Variants in ANAPC10 observed in about 807,000 individuals in gnomAD.
The protein encoded by ANAPC10 is anaphase promoting complex subunit 10.
Under a neutral mutation model 22.0 loss-of-function variants are expected in ANAPC10, and 12 were observed. The observed-to-expected ratio is 0.55, with a 90% CI of 0.35 to 0.88. The LOEUF (loss-of-function observed/expected upper bound fraction) is 0.88. Among genes scored for constraint, ANAPC10 ranks in the 40% least tolerant of loss-of-function variants. The pLI, the probability that ANAPC10 is intolerant of heterozygous loss-of-function variation, is 0.01. For synonymous variants in ANAPC10, 65 were observed against 69.5 expected (o/e 0.94, Z 0.32); for missense variants, 188 against 220.9 (o/e 0.85, Z 0.94).
intron 4 of ANAPC10, among the ~76,000 whole-genome samples, chr4:145,017,775 A>G (rs1289992405): frequency 6.6e-6 from 1 of 152,120 alleles, no homozygotes; most frequent in Non-Finnish European, 1.5e-5. Flanking sequence ...ACACCATGGA[A>G]TACTATGCAC....
chr4:145,007,069 C>T (rs915770330), intron 4 of ANAPC10, among the ~76,000 whole-genome samples: 3 of 152,142 alleles, frequency 2.0e-5, no homozygotes, highest in African/African-American at 7.2e-5. Context: ...AGAACAGCTC[C>T]AGTGCACAGG....
At chr4:145,023,380 C>T (rs938050896) in intron 4 of ANAPC10, among the ~76,000 whole-genome samples, 3 of 152,178 alleles carry the variant, frequency 2.0e-5, no homozygotes. Context: ...TTGGTCTCTG[C>T]TTACCTCCTC....
At chr4:145,069,135 C>T (rs1682692731) in intron 3 of ANAPC10, among the ~76,000 whole-genome samples, 1 of 152,144 alleles carries the variant, frequency 6.6e-6, no homozygotes, top group Admixed American at 6.6e-5. Context: ...CTACAGACAA[C>T]TAGAATACTG....
At chr4:145,097,503 T>G in intron 1 of ANAPC10, 1 of 1,287,252 alleles carries the variant, frequency 7.8e-7, no homozygotes, top group South Asian at 1.2e-5. Context: ...ACCGTTTCCT[T>G]GACACCTCCC....
chr4:145,011,235 G>C (rs1049695047), intron 4 of ANAPC10, among the ~76,000 whole-genome samples: 4 of 151,884 alleles, frequency 2.6e-5, no homozygotes, highest in Non-Finnish European at 5.9e-5. Flanking sequence ...TACTCAGGAG[G>C]CTGAGGCAGG....
intron 4 of ANAPC10, among the ~76,000 whole-genome samples, chr4:145,049,397 G>C (rs1560875378): frequency 6.6e-6 from 1 of 152,148 alleles, no homozygotes; most frequent in Non-Finnish European, 1.5e-5. Flanking sequence ...TAAAATTGGA[G>C]TCAGTCTTCT....
At chr4:145,047,535 C>T (rs1740494276) in intron 4 of ANAPC10, among the ~76,000 whole-genome samples, 1 of 152,114 alleles carries the variant, frequency 6.6e-6, no homozygotes, top group African/African-American at 2.4e-5. Flanking sequence ...AATTCCATAT[C>T]TGCCTTAGAC....
At position 144,995,314 on chromosome 4, in the gene ANAPC10, A is replaced by G. The variant is rs1731450080; in HGVS notation, c.*59T>C. 2 of 1,085,702 alleles carry G rather than the reference A, an allele frequency of 1.8e-6. No individual in the cohort carries two copies. Among genetic ancestry groups the G allele is most frequent in the Admixed American group, 2.1e-5 (1 of 47,150 alleles). The allele number at this position is 1,085,702 out of a possible 1,614,324, so 67.3% of individuals were successfully genotyped here. On this transcript the variant is annotated 3_prime_UTR_variant, in exon 5 of 5. Coordinates refer to ENST00000507656, the MANE Select transcript of ANAPC10 (RefSeq NM_001256706.2). Reference sequence around the variant, plus strand: ...CTTGTTCAATAAAGGTACATGATATATTATTTAAATACAGGATAAAACAAA... The same window carrying G: ...CTTGTTCAATAAAGGTACATGATATGTTATTTAAATACAGGATAAAACAAA...
chr4:145,000,221 G>C (rs1732310300), intron 4 of ANAPC10, among the ~76,000 whole-genome samples: 1 of 152,134 alleles, frequency 6.6e-6, no homozygotes, highest in African/African-American at 2.4e-5. Context: ...TTAAACTAAA[G>C]AGCTTCTGCA....
chr4:145,068,218 T>C (rs1268734453), intron 3 of ANAPC10, among the ~76,000 whole-genome samples: 2 of 152,184 alleles, frequency 1.3e-5, no homozygotes, highest in Non-Finnish European at 2.9e-5. Context: ...TACTATATGT[T>C]CTGATTTCTA....
chr4:145,064,998 GGATTTCC>G (rs1743467724), intron 3 of ANAPC10, among the ~76,000 whole-genome samples: 1 of 151,826 alleles, frequency 6.6e-6, no homozygotes, highest in Non-Finnish European at 1.5e-5. Flanking sequence ...CAAGCATTAA[GGATTTCC>G]ATCCTCTTCA....
At chr4:145,089,326 A>C (rs1747335153) in intron 2 of ANAPC10, among the ~76,000 whole-genome samples, 1 of 152,192 alleles carries the variant, frequency 6.6e-6, no homozygotes, top group African/African-American at 2.4e-5. Context: ...AACAGGGAAC[A>C]AATAGCATAT....
chr4:145,072,358 C>G (rs977367852), intron 3 of ANAPC10, among the ~76,000 whole-genome samples: 1 of 152,082 alleles, frequency 6.6e-6, no homozygotes, highest in Non-Finnish European at 1.5e-5. Context: ...GTAATACATA[C>G]AAATTATTTC....
intron 4 of ANAPC10, among the ~76,000 whole-genome samples, chr4:145,005,689 C>A (rs148351709): frequency 3.9e-5 from 6 of 152,098 alleles, no homozygotes; most frequent in African/African-American, 1.4e-4. Context: ...CAAATAATTT[C>A]TTGATTTCTG....
At position 145,070,228 on chromosome 4, in the gene ANAPC10, C is replaced by T. The variant is rs1744294535; in HGVS notation, c.207-5536G>A. On this transcript the variant is annotated intron_variant, in intron 3 of 4. Coordinates refer to ENST00000507656, the MANE Select transcript of ANAPC10 (RefSeq NM_001256706.2). ...AAAATTTTATTGAAACTAAGTGACA[C>T]TCCGTCATATACACATTGTCTATGG... is the stretch of plus-strand genomic sequence containing the variant. Among the ~76,000 whole-genome samples, 3 of 152,296 alleles carry T rather than the reference C, an allele frequency of 2.0e-5. No individual in the cohort carries two copies. In the South Asian group the frequency reaches 6.2e-4, roughly 32 times the overall value.
At chr4:145,076,127 G>A (rs556816805) in intron 3 of ANAPC10, among the ~76,000 whole-genome samples, 1 of 152,354 alleles carries the variant, frequency 6.6e-6, no homozygotes, top group African/African-American at 2.4e-5. Flanking sequence ...AGCTTTAGCA[G>A]ATGGGCTGCT....
chr4:145,009,014 T>C lies in ANAPC10; in HGVS notation c.328-13411A>G, dbSNP rs537253858. 3.9e-5 allele frequency among the ~76,000 whole-genome samples: 6 copies of C among 152,110 alleles called. No individual in the cohort carries two copies. In the South Asian group the frequency reaches 6.2e-4, roughly 16 times the overall value. ...AGTCTCAGGATACAAAATCAATGTG[T>C]AAAAATCACAAGTATTCCTATACAC... On this transcript the variant is annotated intron_variant, in intron 4 of 4. Transcript: ENST00000507656.
chr4:145,045,832 A>G (rs1579021763), intron 4 of ANAPC10, among the ~76,000 whole-genome samples: 1 of 152,114 alleles, frequency 6.6e-6, no homozygotes, highest in Non-Finnish European at 1.5e-5. Flanking sequence ...TGCCATGGGT[A>G]TCAAGGTATC....
chr4:145,079,796 T>C lies in ANAPC10; in HGVS notation c.206+1864A>G, dbSNP rs182888456. Among the ~76,000 whole-genome samples, 40 of 152,232 alleles carry C rather than the reference T, an allele frequency of 2.6e-4. No individual in the cohort carries two copies. The East Asian group carries it at 6.8e-3, about 26-fold the overall frequency. Reference sequence around the variant, plus strand: ...AAACAGAAAACCAAATATTGCATGTTCTCACTTATAAGTGGGAACTAAACA... The same window carrying C: ...AAACAGAAAACCAAATATTGCATGTCCTCACTTATAAGTGGGAACTAAACA... On this transcript the variant is annotated intron_variant, in intron 3 of 4. Transcript: ENST00000507656.
Sources: allele counts gnomAD v4.1 joint callset (sites outside exome capture counted in the v4.1 genomes callset), GRCh38; gene constraint gnomAD v4.1.1; transcripts MANE v1.5; gene names NCBI Gene and HGNC (gene_info 2026-07-23, HGNC 2026-07-21).